Variants in PDS5A observed in about 807,000 individuals in gnomAD.
The protein encoded by PDS5A is PDS5 cohesin associated factor A, also known as sister chromatid cohesion protein PDS5 homolog A.
In PDS5A, 42 loss-of-function variants were observed where a neutral mutation model predicts 167.1. That is an observed-to-expected ratio of 0.25 (90% CI 0.20 to 0.33). The LOEUF (loss-of-function observed/expected upper bound fraction) is 0.33. Ranked by LOEUF, PDS5A falls within the 10% of genes least tolerant of loss-of-function variation. PDS5A has a pLI of 1.00. For missense variants in PDS5A, 1,033 were observed against 1,605.9 expected, an observed-to-expected ratio of 0.64 and a Z score of 6.10; for synonymous variants, 553 against 554.6, an observed-to-expected ratio of 1.00 and a Z score of 0.04.
At chr4:39,918,262 TGTTGTTGG>T (rs1005040423) in intron 7 of PDS5A, among the ~76,000 whole-genome samples, 5 of 151,896 alleles carry the variant, frequency 3.3e-5, no homozygotes, top group African/African-American at 1.2e-4. Context: ...GATTTTTTTT[TGTTGTTGG>T]GTTGTTTCTT....
intron 18 of PDS5A, among the ~76,000 whole-genome samples, chr4:39,877,547 G>A (rs572980252): frequency 3.3e-5 from 5 of 152,244 alleles, no homozygotes; most frequent in Middle Eastern, 3.4e-3. Context: ...ACCTCCATAC[G>A]TAATGACTCA....
At chr4:39,964,557 T>C (rs868240772) in intron 2 of PDS5A, among the ~76,000 whole-genome samples, 6 of 152,076 alleles carry the variant, frequency 3.9e-5, no homozygotes, top group Non-Finnish European at 7.4e-5. Flanking sequence ...ATTTAAAAAG[T>C]ACATGGTGGG....
intron 30 of PDS5A, among the ~76,000 whole-genome samples, chr4:39,844,306 C>T (rs1479608308): frequency 6.6e-6 from 1 of 152,040 alleles, no homozygotes; most frequent in Non-Finnish European, 1.5e-5. Context: ...GAAACACCGT[C>T]TCTACTAAAA....
chr4:39,956,928 C>T (rs1388872782), intron 2 of PDS5A, among the ~76,000 whole-genome samples: 3 of 152,210 alleles, frequency 2.0e-5, no homozygotes, highest in African/African-American at 7.2e-5. Context: ...TTGCCTCAGC[C>T]TCCCAAAGTG....
chr4:39,837,680 C>A, intron 32 of PDS5A, 176 bp downstream of exon 32: 1 of 489,264 alleles, frequency 2.0e-6, no homozygotes, highest in South Asian at 4.6e-5. Context: ...CAAATTTGTG[C>A]CTTAAAACTG....
chr4:39,872,925 T>G (rs1720174042), intron 21 of PDS5A, 61 bp downstream of exon 21: 2 of 848,360 alleles, frequency 2.4e-6, no homozygotes. Flanking sequence ...AGTGTTTCTG[T>G]GATGAAGATG....
At chr4:39,861,142 A>T (rs1487533403) in intron 26 of PDS5A, among the ~76,000 whole-genome samples, 3 of 151,666 alleles carry the variant, frequency 2.0e-5, no homozygotes, top group African/African-American at 7.3e-5. Context: ...AGAGCCTGTC[A>T]AGTGTAGAAG....
At chr4:39,914,729 T>C (rs549432543) in intron 8 of PDS5A, among the ~76,000 whole-genome samples, 7 of 152,336 alleles carry the variant, frequency 4.6e-5, no homozygotes, top group East Asian at 1.9e-4. Context: ...TAAAACCATA[T>C]GGTGTGTGAA....
chr4:39,893,280 A>G (rs1722125538), intron 16 of PDS5A, among the ~76,000 whole-genome samples: 1 of 152,124 alleles, frequency 6.6e-6, no homozygotes, highest in South Asian at 2.1e-4. Flanking sequence ...GTAAATCTAT[A>G]TATCACATTT....
chr4:39,959,517 A>AT (rs1729283545), intron 2 of PDS5A, among the ~76,000 whole-genome samples: 1 of 151,860 alleles, frequency 6.6e-6, no homozygotes, highest in African/African-American at 2.4e-5. Flanking sequence ...CACCCAGCTA[A>AT]TTTTTTGTAT....
At chr4:39,884,656 T>C (rs936062541) in intron 17 of PDS5A, among the ~76,000 whole-genome samples, 11 of 152,068 alleles carry the variant, frequency 7.2e-5, no homozygotes, top group African/African-American at 2.7e-4. Context: ...TTGGTTTCTG[T>C]GATAACACTC....
chr4:39,906,414 A>G (rs1341096792), intron 11 of PDS5A, among the ~76,000 whole-genome samples: 1 of 152,054 alleles, frequency 6.6e-6, no homozygotes, highest in Non-Finnish European at 1.5e-5. Flanking sequence ...GAACTTCCTT[A>G]CGTTGCAAAC....
chr4:39,960,017 T>C (rs1471527871), intron 2 of PDS5A, among the ~76,000 whole-genome samples: 1 of 151,988 alleles, frequency 6.6e-6, no homozygotes, highest in Non-Finnish European at 1.5e-5. Context: ...CGCTTGAAAC[T>C]GGGAGGTGGA....
At position 39,922,698 on chromosome 4, in the gene PDS5A, G is replaced by C; in HGVS notation, c.578C>G (p.Ser193Cys). The C allele has an allele frequency of 6.3e-7, 1 of 1,586,694 alleles. No homozygotes were observed. Among genetic ancestry groups the C allele is most frequent in the East Asian group, 2.3e-5 (1 of 43,972 alleles). ...VQMHMLDLMS[S>C]IIMEGDGVTQ... ...AACTCCATCACCTTCCATGATGATA[G>C]AACTCATCAAATCTAGCATGTGCAT... The change falls in exon 6 of 33, where the codon TCT (serine) becomes TGT (cysteine). Residue 193 changes from serine to cysteine, a missense_variant. Around this residue, in one of 4 missense-constraint regions of PDS5A, gnomAD observed 388 missense variants for 615.1 expected, o/e 0.63. Coordinates refer to ENST00000303538, the MANE Select transcript of PDS5A (RefSeq NM_001100399.2).
chr4:39,833,163 C>A (rs1716066803), intron 32 of PDS5A, among the ~76,000 whole-genome samples: 1 of 119,900 alleles, frequency 8.3e-6, no homozygotes, highest in South Asian at 2.9e-4. Flanking sequence ...TGCACTCCAG[C>A]CTGGGCCACA....
chr4:39,899,783 G>A lies in PDS5A; in HGVS notation c.1581+643C>T, dbSNP rs150741546. Among the ~76,000 whole-genome samples the A allele has an allele frequency of 5.8e-3, 858 of 148,690 alleles. 9 individuals carry two copies. The highest frequency in any genetic ancestry group is 0.02 in the African/African-American group (787 of 40,080). The stretch of plus-strand genomic sequence containing the variant: ...AGGATCACCTCAGCCCAGTGACATC[G>A]AGGCTGCAGTGAGCTGTGATCATGC... On this transcript the variant is annotated intron_variant, in intron 14 of 32. Coordinates refer to ENST00000303538, the MANE Select transcript of PDS5A (RefSeq NM_001100399.2).
At chr4:39,953,236 C>T (rs1365599593) in intron 2 of PDS5A, among the ~76,000 whole-genome samples, 1 of 152,106 alleles carries the variant, frequency 6.6e-6, no homozygotes, top group African/African-American at 2.4e-5. Flanking sequence ...TGTCACTTGA[C>T]CATTTTGAGC....
intron 26 of PDS5A, among the ~76,000 whole-genome samples, chr4:39,850,849 C>T (rs1367551475): frequency 6.6e-6 from 1 of 152,206 alleles, no homozygotes; most frequent in African/African-American, 2.4e-5. Context: ...ATAGACAAAT[C>T]TGGAAATGGG....
intron 31 of PDS5A, among the ~76,000 whole-genome samples, chr4:39,841,048 C>A (rs963309407): frequency 6.6e-6 from 1 of 151,780 alleles, no homozygotes; most frequent in Non-Finnish European, 1.5e-5. Context: ...AGTTACTGCA[C>A]CCAGCCAAGA....
Sources: allele counts gnomAD v4.1 joint callset (sites outside exome capture counted in the v4.1 genomes callset), GRCh38; gene constraint gnomAD v4.1.1; regional missense constraint gnomAD v4.1.1; transcripts MANE v1.5; gene names NCBI Gene and HGNC (gene_info 2026-07-23, HGNC 2026-07-21).